Variants in OASL observed in about 807,000 individuals in gnomAD.
OASL encodes the protein 2'-5'-oligoadenylate synthase-like protein.
Under a neutral mutation model 35.3 loss-of-function variants are expected in OASL, and 28 were observed. The ratio of observed to expected loss-of-function variants is 0.79; its 90% confidence interval spans 0.59 to 1.09. The LOEUF is 1.09. OASL is among the 50% of genes least tolerant of loss of function. OASL has a pLI of 0.00. For synonymous variants in OASL, 252 were observed against 254.6 expected (o/e 0.99, Z 0.10); for missense variants, 620 against 635.2 (o/e 0.98, Z 0.26).
chr12:121,039,172 A>G, exon 1 of OASL: 1 of 590,428 alleles, frequency 1.7e-6, no homozygotes, highest in Non-Finnish European at 3.0e-6. Context: ...TTGCTGCAGT[A>G]GGGGCACAGG....
chr12:121,036,298 T>C (rs756955869), intron 1 of OASL, among the ~76,000 whole-genome samples: 4 of 152,198 alleles, frequency 2.6e-5, no homozygotes, highest in Non-Finnish European at 5.9e-5. Flanking sequence ...CATTCCCTTA[T>C]GTGGACCAGC....
intron 1 of OASL, among the ~76,000 whole-genome samples, chr12:121,035,449 C>G (rs1869914434): frequency 6.6e-6 from 1 of 151,944 alleles, no homozygotes. Context: ...CGCTTGAACC[C>G]AGGAGGCAGA....
chr12:121,027,044 G>A (rs996248036), intron 4 of OASL, among the ~76,000 whole-genome samples: 43 of 152,060 alleles, frequency 2.8e-4, no homozygotes, highest in Non-Finnish European at 3.1e-4. Context: ...GGTAAAGGCC[G>A]AGAGGATATG....
Position 121,020,584 on chromosome 12 carries a change from C to A in OASL, c.1522G>T (p.Glu508Ter), listed in dbSNP as rs1367377942. ...AACTAACTGGCTGGAAACAGAGCCT[C>A]TCCTTTCTTCTTCGAGAGGATGAGA... is the stretch of plus-strand genomic sequence containing the variant. Residue 508 changes from glutamate to a stop codon, truncating the protein, a stop_gained, in exon 6 of 6, where the codon GAG (glutamate) becomes TAG (stop). Coordinates refer to ENST00000257570, the Ensembl canonical transcript of OASL. LOFTEE classifies it high-confidence loss of function. The A allele has an allele frequency of 1.9e-6, 3 of 1,606,430 alleles. No individual in the cohort carries two copies. Among genetic ancestry groups the A allele is most frequent in the Non-Finnish European group, 2.6e-6 (3 of 1,174,132 alleles).
rs746173981 is a variant in OASL at position 121,027,843 on chromosome 12, G to A, written c.658-26C>T. On this transcript the variant is annotated intron_variant, in intron 3 of 5. Coordinates refer to ENST00000257570, the Ensembl canonical transcript of OASL. Reference sequence around the variant, plus strand: ...CTGTTGAAAGAGATGGGAAGACAGAGAGAGAGAGACCCTAAGATTCTGTGT... The same window carrying A: ...CTGTTGAAAGAGATGGGAAGACAGAAAGAGAGAGACCCTAAGATTCTGTGT... 19 of 1,590,072 alleles carry A rather than the reference G, an allele frequency of 1.2e-5. 1 individual carries two copies. The South Asian group carries it at 2.1e-4, about 18-fold the overall frequency.
At chr12:121,032,244 T>C (rs1592938100) in intron 2 of OASL, among the ~76,000 whole-genome samples, 1 of 152,082 alleles carries the variant, frequency 6.6e-6, no homozygotes, top group Non-Finnish European at 1.5e-5. Flanking sequence ...ACCAGTTCCA[T>C]GGTACACATC....
At chr12:121,035,256 A>G (rs537802550) in intron 1 of OASL, among the ~76,000 whole-genome samples, 1 of 152,064 alleles carries the variant, frequency 6.6e-6, no homozygotes, top group East Asian at 1.9e-4. Flanking sequence ...GCCAGGCATG[A>G]TGGCTCATGC....
At chr12:121,025,668 G>A (rs1339897237) in intron 4 of OASL, among the ~76,000 whole-genome samples, 6 of 151,806 alleles carry the variant, frequency 4.0e-5, no homozygotes, top group Non-Finnish European at 4.4e-5. Context: ...TGGCTGAGGT[G>A]GGAGGATAGC....
intron 3 of OASL, among the ~76,000 whole-genome samples, chr12:121,029,349 C>CA (rs1869634910): frequency 6.6e-6 from 1 of 151,960 alleles, no homozygotes; most frequent in Admixed American, 6.6e-5. Flanking sequence ...GACTTACTAA[C>CA]AAAAAAACTT....
At chr12:121,038,712 A>G (rs1870053818) in intron 1 of OASL, 62 bp downstream of exon 1, 5 of 1,549,712 alleles carry the variant, frequency 3.2e-6, no homozygotes, top group Non-Finnish European at 4.5e-6. Flanking sequence ...CAGCATCCCC[A>G]GGGACGTGGA....
exon 6 of OASL, chr12:121,019,850 G>A (rs1240886321): frequency 6.6e-6 from 1 of 152,278 alleles, no homozygotes; most frequent in Non-Finnish European, 1.5e-5. Context: ...CTCACCAGAA[G>A]TGGGGCTAAC....
chr12:121,039,001 G>A (rs746164611), exon 1 of OASL: 1 of 1,596,562 alleles, frequency 6.3e-7, no homozygotes, highest in Non-Finnish European at 8.6e-7. Flanking sequence ...CTGCTGGGCA[G>A]ATATATAGCC....
chr12:121,026,971 G>T (rs796675803), intron 4 of OASL, among the ~76,000 whole-genome samples: 20 of 152,244 alleles, frequency 1.3e-4, no homozygotes, highest in African/African-American at 4.6e-4. Flanking sequence ...TTCTCAGAGT[G>T]GGTCTGCTGG....
chr12:121,039,101 C>G, exon 1 of OASL: 1 of 739,830 alleles, frequency 1.4e-6, no homozygotes, highest in Non-Finnish European at 2.2e-6. Context: ...AGGAGGGACC[C>G]TAGCAGAGAG....
chr12:121,036,491 A>C (rs1565907940), intron 1 of OASL, among the ~76,000 whole-genome samples: 1 of 152,168 alleles, frequency 6.6e-6, no homozygotes, highest in Non-Finnish European at 1.5e-5. Context: ...CTGCCGTAAA[A>C]ACTCATTCTT....
Position 121,032,989 on chromosome 12 carries a change from G to A in OASL, c.481+472C>T, listed in dbSNP as rs1047710367. ...TGCCCAGGCTGGAGTGCAATGGCGC[G>A]ATCTTGACTCACTGCAACCTCCGCC... On this transcript the variant is annotated intron_variant, in intron 2 of 5. Coordinates refer to ENST00000257570, the Ensembl canonical transcript of OASL. Among the ~76,000 whole-genome samples the A allele has an allele frequency of 9.2e-5, 14 of 151,734 alleles. No individual in the cohort carries two copies. The East Asian group carries it at 1.6e-3, about 17-fold the overall frequency.
chr12:121,038,952 A>G, exon 1 of OASL: 1 of 1,614,108 alleles, frequency 6.2e-7, no homozygotes, highest in Non-Finnish European at 8.5e-7. Flanking sequence ...TGTGCTATAC[A>G]GTTCCTGCAT....
chr12:121,022,317 C>G (rs1869277810), intron 5 of OASL, among the ~76,000 whole-genome samples: 1 of 152,074 alleles, frequency 6.6e-6, no homozygotes. Context: ...GATCTCTTGA[C>G]CTCGTGATCT....
At chr12:121,018,750 G>C (rs972878744), downstream of OASL, among the ~76,000 whole-genome samples, 1 of 151,354 alleles carries the variant, frequency 6.6e-6, no homozygotes, top group Non-Finnish European at 1.5e-5. Flanking sequence ...GGTGCCTGTA[G>C]TCCCAGCTAC....
Sources: gnomAD v4.1 joint callset for allele counts (sites outside exome capture counted in the v4.1 genomes callset) on GRCh38, gnomAD v4.1.1 for gene constraint, MANE v1.5 for transcripts, NCBI Gene and HGNC (gene_info 2026-07-23, HGNC 2026-07-21) for gene names.